Variants in CDH4 observed in about 807,000 individuals in gnomAD.
CDH4 encodes cadherin 4.
In CDH4, 33 loss-of-function variants were observed where a neutral mutation model predicts 86.0. The observed-to-expected ratio is 0.38, with a 90% CI of 0.29 to 0.51. The LOEUF is 0.51. Ranked by LOEUF, CDH4 falls within the 20% of genes least tolerant of loss-of-function variation. CDH4 has a pLI of 0.86. For missense variants in CDH4, 1,114 were observed against 1,307.4 expected (o/e 0.85, Z 2.28); for synonymous variants, 555 against 549.4 (o/e 1.01, Z -0.14).
intron 2 of CDH4, among the ~76,000 whole-genome samples, chr20:61,410,539 T>C (rs1260586270): frequency 2.1e-5 from 3 of 145,580 alleles, no homozygotes; most frequent in African/African-American, 5.0e-5. Context: ...CCATCCATCA[T>C]CTTCCATTCC....
At position 61,399,637 on chromosome 20, in the gene CDH4, G is replaced by A. The variant is rs571543097; in HGVS notation, c.169+144700G>A. Among the ~76,000 whole-genome samples, 325 of 152,234 alleles carry A rather than the reference G, an allele frequency of 2.1e-3. 3 individuals carry two copies. The highest frequency in any genetic ancestry group is 3.4e-3 in the Middle Eastern group (1 of 294). On this transcript the variant is annotated intron_variant, in intron 2 of 15. Coordinates refer to ENST00000614565, the MANE Select transcript of CDH4 (RefSeq NM_001794.5). ...ATCCGGTTGGTCTATGGTGTGTGCC[G>A]GGCCTCGCTGCAGGACTTGGCAAAT... is the stretch of plus-strand genomic sequence containing the variant.
At position 61,708,753 on chromosome 20, in the gene CDH4, C is replaced by A. The variant is rs188440728; in HGVS notation, c.170-34810C>A. Among the ~76,000 whole-genome samples the A allele has an allele frequency of 4.7e-4, 72 of 152,340 alleles. No individual in the cohort carries two copies. The highest frequency in any genetic ancestry group is 1.6e-3 in the African/African-American group (67 of 41,574). On this transcript the variant is annotated intron_variant, in intron 2 of 15. Transcript: ENST00000614565. The surrounding 1 kb of genome is among the most constrained non-coding windows in gnomAD (Gnocchi z 4.5). Reference sequence around the variant, plus strand: ...TGAGGCGGCGCTGCCTCTGCGGAGGCCCCTTCTCTGAGTGTGCATCATGGA... The same window carrying A: ...TGAGGCGGCGCTGCCTCTGCGGAGGACCCTTCTCTGAGTGTGCATCATGGA...
intron 2 of CDH4, among the ~76,000 whole-genome samples, chr20:61,580,115 A>ACTG (rs776925531): frequency 6.0e-4 from 85 of 142,700 alleles, no homozygotes; most frequent in African/African-American, 2.3e-3. Context: ...GGACTCTTAC[A>ACTG]CTGCTACAAA....
In CDH4 at chr20:61,879,746, C is replaced by T. The variant is rs919554471; in HGVS notation, c.1050+5846C>T. On this transcript the variant is annotated intron_variant, in intron 7 of 15. Transcript: ENST00000614565. This position sits in a 1 kb window ranked among gnomAD's most constrained non-coding sequence, Gnocchi z 4.1. ...GCCCCGTCCTGAAGGTGAGAGTGGGCTCTGCAGACGCAGGCGCTGTTCCGA... is the reference window on the plus strand; with the variant it reads ...GCCCCGTCCTGAAGGTGAGAGTGGGTTCTGCAGACGCAGGCGCTGTTCCGA... Among the ~76,000 whole-genome samples, 1 of 152,148 alleles carries T rather than the reference C, an allele frequency of 6.6e-6. No individual in the cohort carries two copies. The highest frequency in any genetic ancestry group is 2.4e-5 in the African/African-American group (1 of 41,432).
chr20:61,381,538 G>C lies in CDH4; in HGVS notation c.169+126601G>C, dbSNP rs149696524. ...CATGTGACCCTTTCCCCATCCCTGC[G>C]TGCCTTCTCCCTTCTCAGGATGCCT... On this transcript the variant is annotated intron_variant, in intron 2 of 15. Coordinates refer to ENST00000614565, the MANE Select transcript of CDH4 (RefSeq NM_001794.5). Among the ~76,000 whole-genome samples the C allele has an allele frequency of 8.3e-4, 126 of 152,130 alleles. 2 individuals are homozygous for C. Among genetic ancestry groups the C allele is most frequent in the African/African-American group, 2.7e-3 (114 of 41,512 alleles).
At chr20:61,601,121 C>T (rs1026374393) in intron 2 of CDH4, among the ~76,000 whole-genome samples, 13 of 152,198 alleles carry the variant, frequency 8.5e-5, no homozygotes, top group Non-Finnish European at 1.6e-4. Context: ...GGCATGGCAC[C>T]GGCATCTGCT....
chr20:61,744,448 GGGAGAGAGAGA>G, intron 3 of CDH4, among the ~76,000 whole-genome samples: 1 of 57,776 alleles, frequency 1.7e-5, no homozygotes, highest in African/African-American at 8.5e-5. Flanking sequence ...GAGGAAGAGA[GGGAGAGAGAGA>G]AGGAGGGAGA....
At chr20:61,353,685 CCTCCT>C (rs1568810402) in intron 2 of CDH4, among the ~76,000 whole-genome samples, 1 of 53,400 alleles carries the variant, frequency 1.9e-5, no homozygotes, top group Non-Finnish European at 3.9e-5. Flanking sequence ...TCCTCCTCCC[CCTCCT>C]CCTCCCCTCC....
intron 4 of CDH4, among the ~76,000 whole-genome samples, chr20:61,843,456 C>CAAAAAA (rs869283452): frequency 0.01 from 608 of 58,596 alleles, 41 homozygotes; most frequent in African/African-American, 0.035. Context: ...GACTCCGTCT[C>CAAAAAA]AAAAAAAAAA....
Position 61,774,843 on chromosome 20 carries a change from A to G in CDH4, c.576+1661A>G, listed in dbSNP as rs571586679. Among the ~76,000 whole-genome samples, 58 of 152,318 alleles carry G rather than the reference A, an allele frequency of 3.8e-4. 2 individuals are homozygous for G. The South Asian group carries it at 0.012, about 31-fold the overall frequency. On this transcript the variant is annotated intron_variant, in intron 4 of 15. Coordinates refer to ENST00000614565, the MANE Select transcript of CDH4 (RefSeq NM_001794.5). The stretch of plus-strand genomic sequence containing the variant: ...TTCCACCTCCATCCATGTCCCTGCA[A>G]AGGACATGATCTCGTTCCTTTTTAT...
chr20:61,461,568 G>T (rs547466150), intron 2 of CDH4, among the ~76,000 whole-genome samples: 26 of 152,280 alleles, frequency 1.7e-4, no homozygotes, highest in Middle Eastern at 3.4e-3. Context: ...TCCAGGCACG[G>T]ATGCCTGGGA....
intron 2 of CDH4, among the ~76,000 whole-genome samples, chr20:61,482,659 G>T (rs1179065716): frequency 6.6e-6 from 1 of 152,074 alleles, no homozygotes; most frequent in Non-Finnish European, 1.5e-5. Flanking sequence ...CAGCTGACTC[G>T]CCCCATGTGG....
chr20:61,546,483 G>A (rs192066003), intron 2 of CDH4, among the ~76,000 whole-genome samples: 59 of 151,808 alleles, frequency 3.9e-4, no homozygotes, highest in East Asian at 1.2e-3. Context: ...CCAGTGACTC[G>A]CAACATTTTG....
intron 6 of CDH4, among the ~76,000 whole-genome samples, chr20:61,870,942 C>G (rs190136708): frequency 6.6e-6 from 1 of 152,156 alleles, no homozygotes; most frequent in Non-Finnish European, 1.5e-5. Flanking sequence ...AAAACCCTCA[C>G]GAGGCAAAGT....
intron 2 of CDH4, among the ~76,000 whole-genome samples, chr20:61,324,333 T>TG (rs747265991): frequency 2.0e-4 from 30 of 152,210 alleles, no homozygotes; most frequent in African/African-American, 6.5e-4. Flanking sequence ...TTTCCCAAAC[T>TG]GGGGGGGCTT....
chr20:61,843,647 T>G lies in CDH4; in HGVS notation c.577-1021T>G, dbSNP rs1312768114. On this transcript the variant is annotated intron_variant, in intron 4 of 15. Coordinates refer to ENST00000614565, the MANE Select transcript of CDH4 (RefSeq NM_001794.5). The stretch of plus-strand genomic sequence containing the variant: ...GGTCAAGGCTGCAGTGAGATATGAT[T>G]GCCCTACTGCACTCCAGGTGACAGA... Among the ~76,000 whole-genome samples, 3 of 150,712 alleles carry G rather than the reference T, an allele frequency of 2.0e-5. No homozygotes were observed. In the East Asian group the frequency reaches 5.9e-4, roughly 29 times the overall value.
At chr20:61,545,573 CT>C (rs987092556) in intron 2 of CDH4, among the ~76,000 whole-genome samples, 70 of 152,298 alleles carry the variant, frequency 4.6e-4, no homozygotes, top group Non-Finnish European at 6.6e-4. Context: ...CTGACGTGGA[CT>C]TTTTTTTCAT....
chr20:61,797,818 A>G (rs991834993), intron 4 of CDH4, among the ~76,000 whole-genome samples: 1 of 152,182 alleles, frequency 6.6e-6, no homozygotes, highest in African/African-American at 2.4e-5. Context: ...ATGTCCGGCC[A>G]GGCCTCCCCA....
At position 61,793,115 on chromosome 20, in the gene CDH4, A is replaced by G. The variant is rs111867848; in HGVS notation, c.576+19933A>G. ...GTAACTGGGATTACAAGCGCCTGCC[A>G]CTACGCCCAACTAATTTTTTGTATT... On this transcript the variant is annotated intron_variant, in intron 4 of 15. Coordinates refer to ENST00000614565, the MANE Select transcript of CDH4 (RefSeq NM_001794.5). Among the ~76,000 whole-genome samples, 1,310 of 152,136 alleles carry G rather than the reference A, an allele frequency of 8.6e-3. 21 individuals are homozygous for G. The highest frequency in any genetic ancestry group is 0.031 in the South Asian group (150 of 4,814).
Sources: allele counts gnomAD v4.1 joint callset (sites outside exome capture counted in the v4.1 genomes callset), GRCh38; gene constraint gnomAD v4.1.1; non-coding constraint Gnocchi (gnomAD v3.1); transcripts MANE v1.5; gene names NCBI Gene and HGNC (gene_info 2026-07-23, HGNC 2026-07-21).